Variants in EDARADD observed in about 807,000 individuals in gnomAD.
The protein encoded by EDARADD is EDAR associated via death domain.
Under a neutral mutation model 25.6 loss-of-function variants are expected in EDARADD, and 20 were observed. The ratio of observed to expected loss-of-function variants is 0.78; its 90% confidence interval spans 0.55 to 1.14. The LOEUF is 1.14. Among genes scored for constraint, EDARADD ranks in the 50% most tolerant of loss-of-function variants. The pLI, the probability that EDARADD is intolerant of heterozygous loss-of-function variation, is 0.00. For missense variants in EDARADD, 225 were observed against 270.1 expected, an observed-to-expected ratio of 0.83 and a Z score of 1.17; for synonymous variants, 86 against 94.4, an observed-to-expected ratio of 0.91 and a Z score of 0.52.
At chr1:236,397,856 C>T (rs554065513) in intron 1 of EDARADD, among the ~76,000 whole-genome samples, 6 of 152,110 alleles carry the variant, frequency 3.9e-5, no homozygotes, top group African/African-American at 1.4e-4. Flanking sequence ...CACACACACC[C>T]CAATTTCCCC....
chr1:236,353,251 C>A (rs144771254), intron 3 of EDARADD, among the ~76,000 whole-genome samples: 1 of 152,162 alleles, frequency 6.6e-6, no homozygotes, highest in Admixed American at 6.6e-5. Flanking sequence ...CAAACTCTTC[C>A]CCTCCTGGTC....
upstream of EDARADD, among the ~76,000 whole-genome samples, chr1:236,390,284 G>A (rs1392366763): frequency 2.0e-5 from 3 of 152,168 alleles, no homozygotes; most frequent in Non-Finnish European, 4.4e-5. Context: ...GGCCGGGCGT[G>A]GTGGCTCATG....
chr1:236,384,347 C>A (rs568363570), intron 3 of EDARADD, among the ~76,000 whole-genome samples: 1 of 152,328 alleles, frequency 6.6e-6, no homozygotes, highest in South Asian at 2.1e-4. Flanking sequence ...GATCGGTTAA[C>A]TCATTAGTAT....
chr1:236,400,710 A>G (rs1199370921), intron 1 of EDARADD, among the ~76,000 whole-genome samples: 1 of 135,126 alleles, frequency 7.4e-6, no homozygotes, highest in African/African-American at 2.7e-5. Flanking sequence ...TTGTACCACC[A>G]CACCCGGCTA....
intron 3 of EDARADD, among the ~76,000 whole-genome samples, chr1:236,422,080 T>C (rs665557): frequency 0.57 from 86,127 of 151,842 alleles, 26,802 homozygotes; most frequent in Non-Finnish European, 0.7. Flanking sequence ...AGTACATGTC[T>C]CCAGAGGTTG....
In EDARADD at chr1:236,394,309, C is replaced by T. The variant is rs149339000; in HGVS notation, c.-136C>T. On this transcript the variant is annotated 5_prime_UTR_variant, in exon 1 of 6. Coordinates refer to ENST00000334232, the MANE Select transcript of EDARADD (RefSeq NM_145861.4). The stretch of plus-strand genomic sequence containing the variant: ...GCAGACCAAGAGGAAGTTTATCCTC[C>T]CACCTACAAATTCCCCAGAGAGCTT... 8.9e-5 allele frequency: 83 copies of T among 934,090 alleles called. No homozygotes were observed. In the East Asian group the frequency reaches 2.0e-3, roughly 23 times the overall value. The allele number at this position is 934,090 out of a possible 1,614,324, so 57.9% of individuals were successfully genotyped here.
chr1:236,460,706 C>T (rs1659014003), intron 4 of EDARADD, among the ~76,000 whole-genome samples: 1 of 152,112 alleles, frequency 6.6e-6, no homozygotes, highest in Admixed American at 6.5e-5. Context: ...AGACATGGAT[C>T]ATCAGTAAAT....
At chr1:236,405,822 T>TTCCTTCC (rs1667711688) in intron 1 of EDARADD, among the ~76,000 whole-genome samples, 16 of 55,474 alleles carry the variant, frequency 2.9e-4, no homozygotes, top group African/African-American at 9.3e-4. Flanking sequence ...CCTTCCTTCC[T>TTCCTTCC]TTCCTTCCTT....
intron 5 of EDARADD, among the ~76,000 whole-genome samples, chr1:236,469,200 G>A (rs1659294031): frequency 6.6e-6 from 1 of 152,158 alleles, no homozygotes; most frequent in Non-Finnish European, 1.5e-5. Flanking sequence ...ATGGCCAGGT[G>A]TGGTGGCTCA....
Position 236,483,414 on chromosome 1 carries a change from G to T in EDARADD, c.*765G>T. 2 of 1,173,792 alleles carry T rather than the reference G, an allele frequency of 1.7e-6. No individual in the cohort carries two copies. The highest frequency in any genetic ancestry group is 1.2e-5 in the South Asian group (1 of 82,282). The allele number at this position is 1,173,792 out of a possible 1,614,324, so 72.7% of individuals were successfully genotyped here. A position where few individuals can be genotyped will look rare whatever the true frequency, so the allele number is the denominator to read the frequency against. On this transcript the variant is annotated 3_prime_UTR_variant, in exon 6 of 6. Transcript: ENST00000334232. ...TGTCCTGGTTAGCAAGAAACTGAAC[G>T]TCACAGAACAAGAGAAGATTGACAA... is the stretch of plus-strand genomic sequence containing the variant.
intron 4 of EDARADD, among the ~76,000 whole-genome samples, chr1:236,448,717 A>G (rs10495378): frequency 0.051 from 7,727 of 152,232 alleles, 574 homozygotes; most frequent in African/African-American, 0.16. Context: ...TTCTTAGGCC[A>G]AGGAACGCAC....
chr1:236,462,893 A>G (rs1363822485), intron 4 of EDARADD, among the ~76,000 whole-genome samples: 1 of 152,252 alleles, frequency 6.6e-6, no homozygotes, highest in East Asian at 1.9e-4. Flanking sequence ...ACAGTTCTTA[A>G]GGAGATGTTT....
At position 236,377,824 on chromosome 1, in the gene EDARADD, C is replaced by G. The variant is rs79897197; in HGVS notation, c.-6+26985C>G. 1.1e-3 allele frequency among the ~76,000 whole-genome samples: 169 copies of G among 151,950 alleles called. 1 individual carries two copies. The East Asian group carries it at 0.026, about 24-fold the overall frequency. On this transcript the variant is annotated intron_variant, in intron 3 of 7. Transcript: ENST00000439430. The stretch of plus-strand genomic sequence containing the variant: ...AGTGAGCCAAGATCGTGCCACTGCA[C>G]TCCAGCCTCACGACAGAGTGAGACT...
At chr1:236,359,222 C>CT (rs1429436822) in intron 3 of EDARADD, among the ~76,000 whole-genome samples, 46 of 152,300 alleles carry the variant, frequency 3.0e-4, no homozygotes, top group African/African-American at 9.9e-4. Flanking sequence ...GCACACTGTC[C>CT]TTTTTAACCA....
chr1:236,426,528 G>T (rs1479578952), intron 3 of EDARADD, among the ~76,000 whole-genome samples: 1 of 152,198 alleles, frequency 6.6e-6, no homozygotes, highest in Non-Finnish European at 1.5e-5. Context: ...AAAAGGGTAG[G>T]CTGCCTTCTG....
chr1:236,375,723 C>T lies in EDARADD; in HGVS notation c.-6+24884C>T, dbSNP rs375057969. ...GCAACATTGCAAGACCCTGTTTCTA[C>T]AAAAAATTTAAAAATTAGCTGAGAT... On this transcript the variant is annotated intron_variant, in intron 3 of 7. Coordinates refer to the EDARADD transcript ENST00000439430. Among the ~76,000 whole-genome samples, 40 of 146,814 alleles carry T rather than the reference C, an allele frequency of 2.7e-4. No homozygotes were observed. In the East Asian group the frequency reaches 4.9e-3, roughly 18 times the overall value.
At chr1:236,385,562 A>G (rs1261411500) in intron 3 of EDARADD, among the ~76,000 whole-genome samples, 1 of 151,852 alleles carries the variant, frequency 6.6e-6, no homozygotes, top group Non-Finnish European at 1.5e-5. Flanking sequence ...CGTCTCTACT[A>G]AAAATACAAA....
chr1:236,401,517 T>C (rs1003542712), intron 1 of EDARADD, among the ~76,000 whole-genome samples: 54 of 152,206 alleles, frequency 3.5e-4, no homozygotes, highest in African/African-American at 1.0e-3. Context: ...GGATTCTTTC[T>C]GGAGAGGCTG....
chr1:236,389,901 C>G (rs972708743), upstream of EDARADD, among the ~76,000 whole-genome samples: 1 of 151,950 alleles, frequency 6.6e-6, no homozygotes, highest in African/African-American at 2.4e-5. Context: ...CCCAGACACT[C>G]AAGAGGCTGA....
Sources: allele counts gnomAD v4.1 joint callset (sites outside exome capture counted in the v4.1 genomes callset), GRCh38; gene constraint gnomAD v4.1.1; transcripts MANE v1.5; gene names NCBI Gene and HGNC (gene_info 2026-07-23, HGNC 2026-07-21).